Variants in SPMIP11 observed in about 807,000 individuals in gnomAD.
The protein encoded by SPMIP11 is sperm microtubule inner protein 11, also known as long intergenic non-protein coding RNA 935.
At chr12:48,742,877 C>T in the SPMIP11 span, among the ~76,000 whole-genome samples, 1 of 151,958 alleles carries the variant, frequency 6.6e-6, no homozygotes, top group Non-Finnish European at 1.5e-5. Flanking sequence ...AAGAGCAAAA[C>T]TCCATTTAAA....
At chr12:48,757,064 C>T in the SPMIP11 span, among the ~76,000 whole-genome samples, 1 of 152,100 alleles carries the variant, frequency 6.6e-6, no homozygotes, top group East Asian at 1.9e-4. Flanking sequence ...GCATGAGCCA[C>T]GGTGCCCAGC....
At chr12:48,745,771 TTTAA>T in the SPMIP11 span, among the ~76,000 whole-genome samples, 2 of 152,210 alleles carry the variant, frequency 1.3e-5, no homozygotes, top group African/African-American at 2.4e-5. Context: ...TAAAAAATTA[TTTAA>T]TTGTGTATCA....
the SPMIP11 span, among the ~76,000 whole-genome samples, chr12:48,733,764 CT>C: frequency 0.21 from 17,270 of 82,464 alleles, 472 homozygotes; most frequent in Non-Finnish European, 0.25. Context: ...AATGCAGATT[CT>C]TTTTTTTTTT....
At chr12:48,760,103 T>C in the SPMIP11 span, among the ~76,000 whole-genome samples, 2 of 150,746 alleles carry the variant, frequency 1.3e-5, no homozygotes, top group African/African-American at 4.9e-5. Flanking sequence ...ATCAATGAAA[T>C]GAAATTTGAA....
the SPMIP11 span, among the ~76,000 whole-genome samples, chr12:48,742,257 C>G: frequency 6.9e-6 from 1 of 145,830 alleles, no homozygotes; most frequent in Non-Finnish European, 1.5e-5. Flanking sequence ...AAACATTCAG[C>G]TTCATTTTTC....
the SPMIP11 span, chr12:48,768,903 T>G: frequency 6.3e-7 from 1 of 1,588,050 alleles, no homozygotes; most frequent in Non-Finnish European, 8.6e-7. Flanking sequence ...TCCGGGCCCA[T>G]GTTCCTCCCA....
the SPMIP11 span, among the ~76,000 whole-genome samples, chr12:48,748,695 C>T: frequency 2.0e-5 from 3 of 152,142 alleles, no homozygotes; most frequent in African/African-American, 7.2e-5. Context: ...CCAACACCTC[C>T]TCCCCCATCC....
the SPMIP11 span, among the ~76,000 whole-genome samples, chr12:48,736,692 G>T: frequency 7.0e-6 from 1 of 141,952 alleles, no homozygotes; most frequent in Non-Finnish European, 1.5e-5. Flanking sequence ...TGTTTCCTGG[G>T]TCGCATGTTT....
chr12:48,752,208 A>G, the SPMIP11 span, among the ~76,000 whole-genome samples: 1 of 152,212 alleles, frequency 6.6e-6, no homozygotes, highest in South Asian at 2.1e-4. Context: ...TAAGTTCACT[A>G]TTTACATATA....
chr12:48,749,603 C>G, the SPMIP11 span, among the ~76,000 whole-genome samples: 38,626 of 133,438 alleles, frequency 0.29, 6,266 homozygotes, highest in East Asian at 0.74. Context: ...CCATTGCACT[C>G]CAGCCTGGGC....
At chr12:48,751,065 T>C in the SPMIP11 span, among the ~76,000 whole-genome samples, 1 of 152,208 alleles carries the variant, frequency 6.6e-6, no homozygotes, top group Non-Finnish European at 1.5e-5. Flanking sequence ...TCACAATTTT[T>C]CCTTGAAGAA....
At chr12:48,751,850 T>G in the SPMIP11 span, among the ~76,000 whole-genome samples, 1 of 151,998 alleles carries the variant, frequency 6.6e-6, no homozygotes, top group Non-Finnish European at 1.5e-5. Context: ...GCAGATCACC[T>G]GCGGTCAGGA....
chr12:48,759,966 C>T, the SPMIP11 span, among the ~76,000 whole-genome samples: 82 of 152,170 alleles, frequency 5.4e-4, 1 homozygote, highest in African/African-American at 1.8e-3. Context: ...GCCACCATAC[C>T]TGGCTAATTT....
chr12:48,738,104 C>T, the SPMIP11 span, among the ~76,000 whole-genome samples: 4 of 152,074 alleles, frequency 2.6e-5, no homozygotes, highest in East Asian at 1.9e-4. Flanking sequence ...GGATTACAGG[C>T]GTGAGCCACC....
At chr12:48,736,923 G>C in the SPMIP11 span, among the ~76,000 whole-genome samples, 5 of 151,018 alleles carry the variant, frequency 3.3e-5, no homozygotes, top group Admixed American at 2.0e-4. Context: ...ACATTCCTTT[G>C]TATGTAACTA....
the SPMIP11 span, among the ~76,000 whole-genome samples, chr12:48,760,576 T>C: frequency 2.0e-5 from 3 of 151,590 alleles, no homozygotes; most frequent in African/African-American, 7.3e-5. Flanking sequence ...GCCCAGGCTG[T>C]AGTGCAGTGC....
the SPMIP11 span, among the ~76,000 whole-genome samples, chr12:48,729,780 G>A: frequency 6.6e-6 from 1 of 150,956 alleles, no homozygotes; most frequent in East Asian, 1.9e-4. Context: ...TCTGTCCTCT[G>A]CAATTCCATC....
chr12:48,745,300 A>T, the SPMIP11 span, among the ~76,000 whole-genome samples: 1 of 151,960 alleles, frequency 6.6e-6, no homozygotes, highest in Admixed American at 6.6e-5. Flanking sequence ...GAGAATAAAA[A>T]GATGTTTCTT....
At chr12:48,741,960 AC>A in the SPMIP11 span, among the ~76,000 whole-genome samples, 1 of 151,990 alleles carries the variant, frequency 6.6e-6, no homozygotes, top group Non-Finnish European at 1.5e-5. Context: ...TCTTCATCAA[AC>A]TTTCACCCAC....
Sources: gnomAD v4.1 joint callset for allele counts (sites outside exome capture counted in the v4.1 genomes callset) on GRCh38, gnomAD v4.1.1 for gene constraint, MANE v1.5 for transcripts, NCBI Gene and HGNC (gene_info 2026-07-23, HGNC 2026-07-21) for gene names.